The following DNAH9 variants were observed in gnomAD, a reference collection of about 807,000 sequenced individuals.
DNAH9 encodes the protein dynein axonemal heavy chain 9.
In DNAH9, 345 loss-of-function variants were observed where a neutral mutation model predicts 471.6. That is an observed-to-expected ratio of 0.73 (90% CI 0.67 to 0.80). The LOEUF (loss-of-function observed/expected upper bound fraction) is 0.80. DNAH9 is among the 30% of genes least tolerant of loss of function. The pLI is 0.00. For missense variants in DNAH9, 5,407 were observed against 5,609.2 expected, an observed-to-expected ratio of 0.96 and a Z score of 1.15; for synonymous variants, 2,093 against 2,123.6, an observed-to-expected ratio of 0.99 and a Z score of 0.40.
At chr17:11,684,272 G>T (rs2074195013) in intron 19 of DNAH9, among the ~76,000 whole-genome samples, 1 of 152,120 alleles carries the variant, frequency 6.6e-6, no homozygotes, top group South Asian at 2.1e-4. Context: ...GTCTTATTAA[G>T]CCCTTGCAGT....
At chr17:11,662,747 CTTTTTTTTTT>C (rs71142226) in intron 14 of DNAH9, among the ~76,000 whole-genome samples, 5 of 45,436 alleles carry the variant, frequency 1.1e-4, no homozygotes, top group Non-Finnish European at 1.9e-4. Context: ...TTGAGGCTCG[CTTTTTTTTTT>C]TTTTTTTTTT....
chr17:11,844,997 A>G lies in DNAH9; in HGVS notation c.9508-9006A>G, dbSNP rs544494360. Among the ~76,000 whole-genome samples the G allele has an allele frequency of 7.5e-5, 11 of 146,100 alleles. No homozygotes were observed. The East Asian group carries it at 2.0e-3, about 27-fold the overall frequency. On this transcript the variant is annotated intron_variant, in intron 49 of 68. Transcript: ENST00000262442. ...GTCCTTTGTCCACTTTTTTTTTACC[A>G]TCTTTTTTTTTTTATTTATTATTAT... is the stretch of plus-strand genomic sequence containing the variant.
chr17:11,761,845 C>G (rs916766826), intron 35 of DNAH9, among the ~76,000 whole-genome samples: 2 of 152,132 alleles, frequency 1.3e-5, no homozygotes, highest in African/African-American at 2.4e-5. Flanking sequence ...ACTCTGATTG[C>G]TAATTTCCAG....
At chr17:11,870,378 C>T (rs748502848) in intron 51 of DNAH9, among the ~76,000 whole-genome samples, 2 of 152,208 alleles carry the variant, frequency 1.3e-5, no homozygotes, top group African/African-American at 2.4e-5. Context: ...AGAGACTTTA[C>T]AGCACCCTCC....
intron 42 of DNAH9, among the ~76,000 whole-genome samples, chr17:11,794,327 G>T (rs1308070630): frequency 6.6e-6 from 1 of 152,168 alleles, no homozygotes; most frequent in Non-Finnish European, 1.5e-5. Context: ...CTCCCAAAGT[G>T]CTGGGATTAC....
At chr17:11,763,309 G>A (rs1223682737) in intron 35 of DNAH9, 131 bp from the exon 36 acceptor site, 8 of 772,144 alleles carry the variant, frequency 1.0e-5, no homozygotes, top group Non-Finnish European at 1.5e-5. Flanking sequence ...TGGCGCTCTG[G>A]TTGTCTGTAA....
At chr17:11,774,067 T>C (rs988660428) in intron 38 of DNAH9, among the ~76,000 whole-genome samples, 4 of 151,914 alleles carry the variant, frequency 2.6e-5, no homozygotes, top group African/African-American at 9.7e-5. Flanking sequence ...ACCTGGGAGG[T>C]TGAGGTTGCA....
intron 6 of DNAH9, among the ~76,000 whole-genome samples, chr17:11,625,283 T>A (rs1050237319): frequency 6.6e-6 from 1 of 152,206 alleles, no homozygotes; most frequent in African/African-American, 2.4e-5. Context: ...TGAGACTTTA[T>A]GCGAAGTGAT....
At chr17:11,628,879 A>G (rs1268834192) in intron 6 of DNAH9, among the ~76,000 whole-genome samples, 3 of 152,148 alleles carry the variant, frequency 2.0e-5, no homozygotes, top group Non-Finnish European at 4.4e-5. Flanking sequence ...GTATGTATAT[A>G]TTTATTTTGG....
At chr17:11,624,798 G>A (rs1216124948) in intron 6 of DNAH9, among the ~76,000 whole-genome samples, 2 of 151,890 alleles carry the variant, frequency 1.3e-5, no homozygotes, top group East Asian at 3.9e-4. Flanking sequence ...CTGGTTTTGT[G>A]GTTTTATTCT....
At chr17:11,693,583 A>G (rs2074375408) in intron 20 of DNAH9, among the ~76,000 whole-genome samples, 1 of 152,156 alleles carries the variant, frequency 6.6e-6, no homozygotes, top group Non-Finnish European at 1.5e-5. Context: ...AATATTTTAG[A>G]AATTTCTTTT....
chr17:11,693,237 CTTTTTTTTTTTT>C (rs776422086), intron 20 of DNAH9, among the ~76,000 whole-genome samples: 1 of 77,440 alleles, frequency 1.3e-5, no homozygotes, highest in Admixed American at 1.9e-4. Context: ...TTAAAATGCC[CTTTTTTTTTTTT>C]TTTTTTTTTT....
At position 11,920,599 on chromosome 17, in the gene DNAH9, C is replaced by T. The variant is rs184005922; in HGVS notation, c.11750-3215C>T. 2.0e-3 allele frequency among the ~76,000 whole-genome samples: 268 copies of T among 136,654 alleles called. 1 individual carries two copies. The highest frequency in any genetic ancestry group is 7.1e-3 in the African/African-American group (254 of 36,028). The allele number at this position is 136,654 out of a possible 152,430, so 89.7% of individuals were successfully genotyped here. On this transcript the variant is annotated intron_variant, in intron 61 of 68. Coordinates refer to ENST00000262442, the MANE Select transcript of DNAH9 (RefSeq NM_001372.4). ...TTGCGCCATTGCACTCCAGTCTGGG[C>T]GACAGAGCAAGACTCCATCTCAAAA...
chr17:11,764,413 T>C, intron 36 of DNAH9, among the ~76,000 whole-genome samples: 1 of 152,210 alleles, frequency 6.6e-6, no homozygotes, highest in East Asian at 1.9e-4. Flanking sequence ...AAATTTTAAG[T>C]ATACAATACA....
chr17:11,849,304 TC>T, intron 49 of DNAH9, among the ~76,000 whole-genome samples: 1 of 152,200 alleles, frequency 6.6e-6, no homozygotes, highest in East Asian at 1.9e-4. Context: ...TCATCCACTC[TC>T]CCCTGCCACA....
At chr17:11,643,951 G>T (rs1207792577) in intron 10 of DNAH9, among the ~76,000 whole-genome samples, 2 of 152,276 alleles carry the variant, frequency 1.3e-5, no homozygotes, top group East Asian at 1.9e-4. Context: ...TTAAAAAATG[G>T]TACGCTTGTG....
At chr17:11,827,745 G>A (rs1324660210) in intron 48 of DNAH9, among the ~76,000 whole-genome samples, 2 of 151,750 alleles carry the variant, frequency 1.3e-5, no homozygotes, top group South Asian at 2.1e-4. Flanking sequence ...GTGTGCAATG[G>A]CACAATCTCG....
At chr17:11,804,887 A>T (rs1397253048) in intron 43 of DNAH9, among the ~76,000 whole-genome samples, 1 of 151,760 alleles carries the variant, frequency 6.6e-6, no homozygotes, top group East Asian at 1.9e-4. Context: ...AAAAAAAAAA[A>T]AAGTTCTTTG....
chr17:11,719,410 A>C lies in DNAH9; in HGVS notation c.5629A>C (p.Thr1877Pro). Residue 1877 changes from threonine (T) to proline (P), a missense_variant, in exon 27 of 69, where the codon ACC becomes CCC. Thr to Pro is a conservative substitution (Grantham distance 38). Transcript: ENST00000262442. ...APAGPAGTGK[T>P]ETTKDLGRAL... is the part of the protein sequence containing the mutation. ...CGCAGGACCTGCAGGCACAGGCAAGACCGAGACCACCAAGGACCTGGGCCG... is the reference window on the plus strand; with the variant it reads ...CGCAGGACCTGCAGGCACAGGCAAGCCCGAGACCACCAAGGACCTGGGCCG... 1 of 1,613,960 alleles carries C rather than the reference A, an allele frequency of 6.2e-7. No individual in the cohort carries two copies. The highest frequency in any genetic ancestry group is 8.5e-7 in the Non-Finnish European group (1 of 1,179,974).
Sources: allele counts gnomAD v4.1 joint callset (sites outside exome capture counted in the v4.1 genomes callset), GRCh38; gene constraint gnomAD v4.1.1; transcripts MANE v1.5; gene names NCBI Gene and HGNC (gene_info 2026-07-23, HGNC 2026-07-21).